BRD1: variants seen among roughly 807,000 people sequenced by gnomAD.
BRD1 encodes the protein bromodomain-containing protein 1.
A neutral mutation model predicts 107.7 loss-of-function variants in BRD1; 24 were observed. That is an observed-to-expected ratio of 0.22 (90% CI 0.16 to 0.31). BRD1 has a LOEUF of 0.31. BRD1 is among the 10% of genes least tolerant of loss of function. The pLI is 1.00. For synonymous variants in BRD1, 744 were observed against 686.1 expected (o/e 1.08, Z -1.32); for missense variants, 1,279 against 1,638.6 (o/e 0.78, Z 3.79).
intron 8 of BRD1, among the ~76,000 whole-genome samples, chr22:49,786,399 A>G (rs537962170): frequency 1.3e-4 from 20 of 152,330 alleles, no homozygotes; most frequent in Middle Eastern, 3.4e-3. Flanking sequence ...GGCCTCCTCA[A>G]AGTGCTCCCA....
At position 49,774,411 on chromosome 22, in the gene BRD1, C is replaced by T. The variant is rs777424711; in HGVS notation, c.3392G>A (p.Trp1131Ter). 1 of 1,598,908 alleles carries T rather than the reference C, an allele frequency of 6.3e-7. No homozygotes were observed. The highest frequency in any genetic ancestry group is 8.6e-7 in the Non-Finnish European group (1 of 1,169,244). ...GGGAACCATTTTGGACTTAGGAAGC[C>T]ACTGCCTTTTTAAAAGGAAAAACAA... ...LFFDNKRSWQ[W>*]LPKSKMVPLG... The change falls in exon 13 of 13, where the codon TGG becomes TAG. Residue 1131 changes from tryptophan (W) to a stop codon, truncating the protein, a stop_gained. Transcript: ENST00000404760. LOFTEE classifies it high-confidence loss of function.
In BRD1 at chr22:49,774,021, C is replaced by CGCACTGGGCT; in HGVS notation, c.*202_*211dup. ...GCACGGCCTGGGGACGTGCGACAGA[C>CGCACTGGGCT]GCACTGGGCTGCCCGGACGTGCCCA... On this transcript the variant is annotated 3_prime_UTR_variant, in exon 13 of 13. Transcript: ENST00000404760. 1 of 513,922 alleles carries CGCACTGGGCT rather than the reference C, an allele frequency of 1.9e-6. No homozygotes were observed. Among genetic ancestry groups the CGCACTGGGCT allele is most frequent in the Non-Finnish European group, 3.3e-6 (1 of 301,214 alleles). The allele number at this position is 513,922 out of a possible 1,614,324, so 31.8% of individuals were successfully genotyped here. A position where few individuals can be genotyped will look rare whatever the true frequency, so the allele number is the denominator to read the frequency against.
chr22:49,784,523 G>T (rs528769423), intron 8 of BRD1, among the ~76,000 whole-genome samples: 1 of 152,376 alleles, frequency 6.6e-6, no homozygotes, highest in South Asian at 2.1e-4. Flanking sequence ...GCCGGCCCGC[G>T]GGCGACACGG....
chr22:49,813,879 C>G (rs973024048), intron 2 of BRD1, among the ~76,000 whole-genome samples: 8 of 151,936 alleles, frequency 5.3e-5, no homozygotes, highest in Admixed American at 5.3e-4. Flanking sequence ...CAGGGAGCAG[C>G]TTTACGGCTG....
chr22:49,800,097 C>T (rs998445673), intron 3 of BRD1, among the ~76,000 whole-genome samples: 16 of 152,344 alleles, frequency 1.1e-4, no homozygotes, highest in South Asian at 8.3e-4. Flanking sequence ...TCTCCCCCAA[C>T]GCCTCTGTCC....
In BRD1 at chr22:49,824,193, A is replaced by G; in HGVS notation, c.125T>C (p.Ile42Thr). Residue 42 changes from isoleucine to threonine, a missense_variant, in exon 2 of 13, where the codon ATA becomes ACA. By Grantham distance (89) the Ile-to-Thr change is moderately conservative. Around this residue, in one of 7 missense-constraint regions of BRD1, gnomAD observed 223 missense variants for 263.5 expected, o/e 0.85. Coordinates refer to ENST00000404760, the MANE Select transcript of BRD1 (RefSeq NM_001304808.3). This position sits in a 1 kb window ranked among gnomAD's most constrained non-coding sequence, Gnocchi z 5.9. ...CCTGTGCAAGCGCCCTTCAATTTCTATCTCTACCATCCTTTGAGCTTGAGC... is the reference window on the plus strand; with the variant it reads ...CCTGTGCAAGCGCCCTTCAATTTCTGTCTCTACCATCCTTTGAGCTTGAGC... The part of the protein sequence containing the change: ...TYAQAQRMVE[I>T]EIEGRLHRIS... The G allele has an allele frequency of 1.2e-6, 2 of 1,613,846 alleles. No individual in the cohort carries two copies. The highest frequency in any genetic ancestry group is 1.7e-6 in the Non-Finnish European group (2 of 1,180,008).
At chr22:49,813,884 C>T (rs918869325) in intron 2 of BRD1, among the ~76,000 whole-genome samples, 1 of 151,730 alleles carries the variant, frequency 6.6e-6, no homozygotes, top group African/African-American at 2.4e-5. Context: ...AGCAGCTTTA[C>T]GGCTGCAGAG....
intron 8 of BRD1, among the ~76,000 whole-genome samples, chr22:49,785,468 T>C (rs2059305313): frequency 6.6e-6 from 1 of 152,230 alleles, no homozygotes; most frequent in South Asian, 2.1e-4. Context: ...CAACCTCTAG[T>C]ACCCAGTGCA....
chr22:49,791,659 T>C (rs1217149249), intron 7 of BRD1, among the ~76,000 whole-genome samples: 1 of 152,184 alleles, frequency 6.6e-6, no homozygotes. Context: ...CCCTAATGAC[T>C]TCCCCATTCC....
chr22:49,811,672 C>T (rs980083965), intron 2 of BRD1, among the ~76,000 whole-genome samples: 2 of 152,232 alleles, frequency 1.3e-5, no homozygotes, highest in African/African-American at 4.8e-5. Flanking sequence ...TGGAATTTCC[C>T]ATTTAATACT....
chr22:49,815,712 G>A (rs898850326), intron 2 of BRD1, among the ~76,000 whole-genome samples: 10 of 152,210 alleles, frequency 6.6e-5, no homozygotes, highest in African/African-American at 2.4e-4. Context: ...GGGCAGGAAT[G>A]AGTCAGTGTC....
Position 49,822,942 on chromosome 22 carries a change from C to G in BRD1, c.1367+9G>C, listed in dbSNP as rs749220469. 5.6e-6 allele frequency: 9 copies of G among 1,611,272 alleles called. No homozygotes were observed. Among genetic ancestry groups the G allele is most frequent in the Non-Finnish European group, 7.6e-6 (9 of 1,178,162 alleles). On this transcript the variant is annotated intron_variant, in intron 2 of 12. Transcript: ENST00000404760. The stretch of plus-strand genomic sequence containing the variant: ...GCTCCTTGTGGACTCAATGCTTGGA[C>G]ACGCTTACCTCTGCGGGGGAATATA...
At chr22:49,821,191 G>A (rs978717768) in intron 2 of BRD1, among the ~76,000 whole-genome samples, 1 of 152,156 alleles carries the variant, frequency 6.6e-6, no homozygotes, top group Non-Finnish European at 1.5e-5. Context: ...GAGAGCGTGC[G>A]GCCCGGCCAG....
chr22:49,780,582 G>A (rs562235222), intron 8 of BRD1, among the ~76,000 whole-genome samples: 3 of 152,230 alleles, frequency 2.0e-5, no homozygotes, highest in South Asian at 2.1e-4. Flanking sequence ...CACATCCCGG[G>A]AGGCTCTGCA....
intron 8 of BRD1, among the ~76,000 whole-genome samples, chr22:49,782,982 TG>T (rs2059242502): frequency 1.4e-5 from 2 of 139,508 alleles, no homozygotes; most frequent in Non-Finnish European, 3.1e-5. Flanking sequence ...CCCATCTTGC[TG>T]GGACCTGCTC....
rs559099899 is a variant in BRD1 at position 49,827,143 on chromosome 22, C to T, written c.-15+354G>A. ...CTCGGCGGCTGCCCGAGGCCCGACC[C>T]GACTCGAGCGCGGACTCCGGGCAGG... On this transcript the variant is annotated intron_variant, in intron 1 of 12. Coordinates refer to ENST00000404760, the MANE Select transcript of BRD1 (RefSeq NM_001304808.3). Among the ~76,000 whole-genome samples the T allele has an allele frequency of 4.0e-4, 61 of 151,546 alleles. 1 individual carries two copies. The highest frequency in any genetic ancestry group is 1.4e-3 in the African/African-American group (60 of 41,422).
chr22:49,797,559 G>A (rs1432192848), intron 6 of BRD1, among the ~76,000 whole-genome samples: 1 of 152,152 alleles, frequency 6.6e-6, no homozygotes, highest in Non-Finnish European at 1.5e-5. Flanking sequence ...CCTCAGTAAC[G>A]TTTACCGATC....
intron 3 of BRD1, among the ~76,000 whole-genome samples, chr22:49,800,091 C>T (rs781490810): frequency 3.3e-5 from 5 of 152,218 alleles, no homozygotes; most frequent in Non-Finnish European, 7.3e-5. Flanking sequence ...CCCTCCTCTC[C>T]CCCAACGCCT....
chr22:49,812,637 A>T (rs1038834374), intron 2 of BRD1, among the ~76,000 whole-genome samples: 3 of 152,244 alleles, frequency 2.0e-5, no homozygotes, highest in African/African-American at 7.2e-5. Flanking sequence ...TGAAATTAAC[A>T]GTGTAATTAA....
Sources: gnomAD v4.1 joint callset for allele counts (sites outside exome capture counted in the v4.1 genomes callset) on GRCh38, gnomAD v4.1.1 for gene constraint, gnomAD v4.1.1 regional missense constraint, Gnocchi (gnomAD v3.1) non-coding constraint, MANE v1.5 for transcripts, NCBI Gene and HGNC (gene_info 2026-07-23, HGNC 2026-07-21) for gene names.